UBE2Z: variants seen among roughly 807,000 people sequenced by gnomAD.
UBE2Z encodes ubiquitin-conjugating enzyme E2 Z.
A neutral mutation model predicts 32.6 loss-of-function variants in UBE2Z; 10 were observed. That is an observed-to-expected ratio of 0.31 (90% confidence interval 0.19 to 0.52). The LOEUF (loss-of-function observed/expected upper bound fraction) is 0.52. Among genes scored for constraint, UBE2Z ranks in the 20% least tolerant of loss-of-function variants. UBE2Z has a pLI of 0.97. For synonymous variants in UBE2Z, 183 were observed against 190.8 expected, an observed-to-expected ratio of 0.96 and a Z score of 0.34; for missense variants, 343 against 480.9, an observed-to-expected ratio of 0.71 and a Z score of 2.68.
At chr17:48,923,127 C>T in intron 6 of UBE2Z, 190 bp downstream of exon 6, 1 of 471,654 alleles carries the variant, frequency 2.1e-6, no homozygotes, top group South Asian at 2.7e-5. Context: ...TGAGACCATC[C>T]TGGCTAACAC....
At chr17:48,921,725 G>A (rs2040760123) in intron 5 of UBE2Z, among the ~76,000 whole-genome samples, 1 of 152,216 alleles carries the variant, frequency 6.6e-6, no homozygotes, top group African/African-American at 2.4e-5. Context: ...ATGAGTTGAA[G>A]TTGGGATTCA....
chr17:48,915,875 C>CCCT, intron 3 of UBE2Z: 2 of 327,654 alleles, frequency 6.1e-6, no homozygotes, highest in Non-Finnish European at 1.1e-5. Context: ...GCCCCCCCCC[C>CCCT]TTGATTTGAG....
chr17:48,927,290 A>G lies in UBE2Z; in HGVS notation c.*156A>G. On this transcript the variant is annotated 3_prime_UTR_variant, in exon 7 of 7. Coordinates refer to ENST00000360943, the MANE Select transcript of UBE2Z (RefSeq NM_023079.5). ...GCAAGCTCCGATCCCAGGGTGTGGG[A>G]GTGGGGGCCTGTTCCCGGTCTGACC... 1 of 782,456 alleles carries G rather than the reference A, an allele frequency of 1.3e-6. No homozygotes were observed. 48.5% of individuals were successfully genotyped at this position (782,456 alleles called of 1,614,324 possible). A position where few individuals can be genotyped will look rare whatever the true frequency, so the allele number is the denominator to read the frequency against.
At chr17:48,922,143 C>T (rs1483757007) in intron 5 of UBE2Z, among the ~76,000 whole-genome samples, 2 of 152,186 alleles carry the variant, frequency 1.3e-5, no homozygotes, top group South Asian at 2.1e-4. Context: ...AATCCCAGCA[C>T]TTTGGGAGGC....
Position 48,908,538 on chromosome 17 carries a change from CGGGCGCCG to C in UBE2Z, c.41_48del (p.Ala14GlyfsTer15). The C allele has an allele frequency of 8.1e-7, 1 of 1,235,990 alleles. No homozygotes were observed. Among genetic ancestry groups the C allele is most frequent in the Non-Finnish European group, 1.0e-6 (1 of 988,536 alleles). 76.6% of individuals were successfully genotyped at this position (1,235,990 alleles called of 1,614,324 possible). A position where few individuals can be genotyped will look rare whatever the true frequency, so the allele number is the denominator to read the frequency against. ...AGTCCGACTGAGGAGGCGGCAACGGCGGGCGCCGGGGCGGCGGGCCCCGGGGCGAGCAG... is the reference window on the plus strand; with the variant it reads ...AGTCCGACTGAGGAGGCGGCAACGGCGGGCGGCGGGCCCCGGGGCGAGCAG... On this transcript the variant is annotated frameshift_variant, in exon 1 of 7. Transcript: ENST00000360943. LOFTEE classifies it high-confidence loss of function.
chr17:48,913,424 G>C (rs1235861521), intron 3 of UBE2Z, among the ~76,000 whole-genome samples: 2 of 152,138 alleles, frequency 1.3e-5, no homozygotes, highest in Non-Finnish European at 2.9e-5. Context: ...GCACGATCTT[G>C]GCTCACTGCA....
chr17:48,917,077 C>A (rs552370534), intron 4 of UBE2Z, among the ~76,000 whole-genome samples: 1 of 151,844 alleles, frequency 6.6e-6, no homozygotes, highest in African/African-American at 2.4e-5. Context: ...GAGGCCGAGG[C>A]GGGCAGATCA....
intron 3 of UBE2Z, chr17:48,915,748 T>A (rs541131919): frequency 3.9e-6 from 1 of 255,524 alleles, no homozygotes; most frequent in East Asian, 1.4e-4. Context: ...AGATTAACAT[T>A]TAGACAACTT....
At chr17:48,922,630 G>C (rs1003774237) in intron 5 of UBE2Z, among the ~76,000 whole-genome samples, 1 of 151,894 alleles carries the variant, frequency 6.6e-6, no homozygotes, top group East Asian at 1.9e-4. Flanking sequence ...AGCCAGGCGT[G>C]GTGGCATATG....
chr17:48,920,024 A>C (rs1171581991), intron 4 of UBE2Z, among the ~76,000 whole-genome samples: 1 of 151,672 alleles, frequency 6.6e-6, no homozygotes, highest in Non-Finnish European at 1.5e-5. Flanking sequence ...CTACCGAAAA[A>C]CTTTTTTAAA....
intron 6 of UBE2Z, among the ~76,000 whole-genome samples, chr17:48,923,451 T>C (rs1461556761): frequency 6.6e-6 from 1 of 151,224 alleles, no homozygotes; most frequent in Non-Finnish European, 1.5e-5. Context: ...GCCAACATGA[T>C]GAAACCCCGC....
chr17:48,910,788 C>T lies in UBE2Z; in HGVS notation c.318-20C>T, dbSNP rs374365881. On this transcript the variant is annotated intron_variant, in intron 1 of 6. Transcript: ENST00000360943. ...CCCTCTTCCTCACTCCTTCCCCCAC[C>T]TCCTCTTGGTGTTATACAGGGATAT... The T allele has an allele frequency of 5.6e-6, 9 of 1,596,810 alleles. No individual in the cohort carries two copies. The highest frequency in any genetic ancestry group is 2.2e-5 in the East Asian group (1 of 44,770).
chr17:48,920,497 CAAAT>C (rs1301608509), intron 4 of UBE2Z, among the ~76,000 whole-genome samples: 2 of 151,662 alleles, frequency 1.3e-5, no homozygotes, highest in Non-Finnish European at 1.5e-5. Context: ...CTCAAAAAAA[CAAAT>C]AAATAATAAA....
chr17:48,911,259 C>T (rs1008983394), intron 2 of UBE2Z: 7 of 206,518 alleles, frequency 3.4e-5, no homozygotes, highest in African/African-American at 1.4e-4. Context: ...ATTAACTATG[C>T]TATGGTACTA....
intron 6 of UBE2Z, among the ~76,000 whole-genome samples, chr17:48,923,805 T>C (rs2040779981): frequency 6.6e-6 from 1 of 151,480 alleles, no homozygotes; most frequent in Non-Finnish European, 1.5e-5. Context: ...GGGTCACAGC[T>C]CACTGCAACT....
At chr17:48,920,991 G>A (rs2040754318) in intron 4 of UBE2Z, among the ~76,000 whole-genome samples, 169 bp from the exon 5 acceptor site, 2 of 152,090 alleles carry the variant, frequency 1.3e-5, no homozygotes, top group Admixed American at 6.6e-5. Flanking sequence ...GGTGAATGGT[G>A]TCAAAAATAA....
intron 6 of UBE2Z, among the ~76,000 whole-genome samples, chr17:48,925,602 T>C (rs1374609152): frequency 6.6e-6 from 1 of 152,196 alleles, no homozygotes; most frequent in Non-Finnish European, 1.5e-5. Flanking sequence ...TTCTAATTGC[T>C]GGTATCCAAC....
chr17:48,917,011 A>C (rs532154872), intron 4 of UBE2Z, among the ~76,000 whole-genome samples: 8 of 147,956 alleles, frequency 5.4e-5, no homozygotes, highest in Admixed American at 2.7e-4. Flanking sequence ...CCCCACCCCC[A>C]AAAAAATAAT....
At position 48,913,109 on chromosome 17, in the gene UBE2Z, A is replaced by G. The variant is rs904491321; in HGVS notation, c.578+88A>G. On this transcript the variant is annotated intron_variant, in intron 3 of 6. Transcript: ENST00000360943. ...TTATCAACCGGAGTCCCTCATCTGA[A>G]CTACAGAACACAGAAAATGATTGAG... 6.3e-6 allele frequency: 8 copies of G among 1,272,562 alleles called. No individual in the cohort carries two copies. In the East Asian group the frequency reaches 1.7e-4, roughly 28 times the overall value. 78.8% of individuals were successfully genotyped at this position (1,272,562 alleles called of 1,614,324 possible).
Sources: allele counts gnomAD v4.1 joint callset (sites outside exome capture counted in the v4.1 genomes callset), GRCh38; gene constraint gnomAD v4.1.1; transcripts MANE v1.5; gene names NCBI Gene and HGNC (gene_info 2026-07-23, HGNC 2026-07-21).